The following ATXN10 variants were observed in gnomAD, a reference collection of about 807,000 sequenced individuals.
ATXN10 encodes ataxin 10.
A neutral mutation model predicts 52.9 loss-of-function variants in ATXN10; 28 were observed. That is an observed-to-expected ratio of 0.53 (90% CI 0.39 to 0.73). The LOEUF (loss-of-function observed/expected upper bound fraction) is 0.73. Among genes scored for constraint, ATXN10 ranks in the 30% least tolerant of loss-of-function variants. The pLI is 0.00. For synonymous variants in ATXN10, 226 were observed against 221.5 expected, an observed-to-expected ratio of 1.02 and a Z score of -0.18; for missense variants, 565 against 577.0, an observed-to-expected ratio of 0.98 and a Z score of 0.21.
rs1923007173 is a variant in ATXN10, at chr22:45,683,405, G to A, written c.117-6307G>A. Among the ~76,000 whole-genome samples, 1 of 152,058 alleles carries A rather than the reference G, an allele frequency of 6.6e-6. No individual in the cohort carries two copies. The highest frequency in any genetic ancestry group is 2.4e-5 in the African/African-American group (1 of 41,404). On this transcript the variant is annotated intron_variant, in intron 1 of 11. Transcript: ENST00000252934. This position sits in a 1 kb window ranked among gnomAD's most constrained non-coding sequence, Gnocchi z 4.8. ...TCCGTGGCCTACTGTGCCTGTCCAG[G>A]GTGGCTCTGTCTTGTCTCTCTGAGT...
chr22:45,819,570 C>T lies in ATXN10; in HGVS notation c.1237+12548C>T, dbSNP rs1352870409. ...TTGACTCAGAACCACTAGGGCACTT[C>T]TGTGATCACAGCAGTCCCATGCAGG... On this transcript the variant is annotated intron_variant, in intron 10 of 11. Transcript: ENST00000252934. The surrounding 1 kb of genome is among the most constrained non-coding windows in gnomAD (Gnocchi z 4.5). Among the ~76,000 whole-genome samples the T allele has an allele frequency of 6.6e-6, 1 of 152,206 alleles. No individual in the cohort carries two copies.
chr22:45,788,885 A>G (rs11090659), intron 9 of ATXN10, among the ~76,000 whole-genome samples: 24,180 of 151,898 alleles, frequency 0.16, 2,117 homozygotes, highest in Middle Eastern at 0.21. Context: ...GTGACCTCAA[A>G]TGATCCTCCC....
intron 9 of ATXN10, among the ~76,000 whole-genome samples, chr22:45,798,593 G>GCT (rs1927826955): frequency 6.6e-6 from 1 of 152,082 alleles, no homozygotes; most frequent in Non-Finnish European, 1.5e-5. Flanking sequence ...ATGAAACACT[G>GCT]CTCTCTCTCT....
chr22:45,784,233 A>G lies in ATXN10; in HGVS notation c.1174-22726A>G, dbSNP rs1927248659. Among the ~76,000 whole-genome samples, 1 of 152,214 alleles carries G rather than the reference A, an allele frequency of 6.6e-6. No homozygotes were observed. Among genetic ancestry groups the G allele is most frequent in the South Asian group, 2.1e-4 (1 of 4,834 alleles). ...GCAGATCTGGGCTTTGCCACTCATT[A>G]AGCTCCATGACTGTGAACAAATTAA... On this transcript the variant is annotated intron_variant, in intron 9 of 11. Transcript: ENST00000252934. The surrounding 1 kb of genome is among the most constrained non-coding windows in gnomAD (Gnocchi z 4.2).
In ATXN10 at chr22:45,843,213, G is replaced by A. The variant is rs762832889; in HGVS notation, c.1425+35G>A. The A allele has an allele frequency of 4.0e-5, 65 of 1,609,768 alleles. No individual in the cohort carries two copies. Among genetic ancestry groups the A allele is most frequent in the African/African-American group, 5.3e-5 (4 of 74,826 alleles). ...CTCGAGGGAACTGTCCTTCCCTTTG[G>A]TTTGTAGAAAGCTGTTTCCACTTCC... On this transcript the variant is annotated intron_variant, in intron 11 of 11. Coordinates refer to ENST00000252934, the MANE Select transcript of ATXN10 (RefSeq NM_013236.4). The surrounding 1 kb of genome is among the most constrained non-coding windows in gnomAD (Gnocchi z 4.5).
rs772730790 is a variant in ATXN10 at position 45,828,765 on chromosome 22, G to A, written c.1238-14226G>A. Among the ~76,000 whole-genome samples, 1 of 152,106 alleles carries A rather than the reference G, an allele frequency of 6.6e-6. No homozygotes were observed. Among genetic ancestry groups the A allele is most frequent in the Non-Finnish European group, 1.5e-5 (1 of 68,008 alleles). ...TAGTTATAGTAAGACAATTAAATCA[G>A]CAATGAAAAATCTCACAAAGAAAAG... On this transcript the variant is annotated intron_variant, in intron 10 of 11. Coordinates refer to ENST00000252934, the MANE Select transcript of ATXN10 (RefSeq NM_013236.4). This position sits in a 1 kb window ranked among gnomAD's most constrained non-coding sequence, Gnocchi z 4.5.
chr22:45,687,012 C>T (rs977280155), intron 1 of ATXN10, among the ~76,000 whole-genome samples: 5 of 152,080 alleles, frequency 3.3e-5, no homozygotes, highest in Non-Finnish European at 7.4e-5. Flanking sequence ...ATTATTTTTT[C>T]TTTATACTGC....
chr22:45,843,015 C>T lies in ATXN10; in HGVS notation c.1262C>T (p.Ala421Val). 1.9e-6 allele frequency: 3 copies of T among 1,614,150 alleles called. No individual in the cohort carries two copies. Among genetic ancestry groups the T allele is most frequent in the Non-Finnish European group, 2.5e-6 (3 of 1,180,024 alleles). Residue 421 changes from alanine to valine, a missense_variant, in exon 11 of 12, where the codon GCC (alanine) becomes GTC (valine). By Grantham distance (64) the Ala-to-Val change is moderately conservative (BLOSUM62 0). Transcript: ENST00000252934. This position sits in a 1 kb window ranked among gnomAD's most constrained non-coding sequence, Gnocchi z 4.5. Reference protein sequence around the residue: ...NPFLTQWVIYAIRNLTEDNSQ... With the variant: ...NPFLTQWVIYVIRNLTEDNSQ... Reference sequence around the variant, plus strand: ...GTTCTGACCCAGTGGGTGATATATGCCATCCGAAACCTTACCGAAGACAAC... The same window carrying T: ...GTTCTGACCCAGTGGGTGATATATGTCATCCGAAACCTTACCGAAGACAAC...
chr22:45,826,397 G>A lies in ATXN10; in HGVS notation c.1238-16594G>A, dbSNP rs1928816168. Reference sequence around the variant, plus strand: ...GAGAATATCTGAAGAAATAAGGACTGAAAATTTTCCACATTTGATGGAAGT... The same window carrying A: ...GAGAATATCTGAAGAAATAAGGACTAAAAATTTTCCACATTTGATGGAAGT... On this transcript the variant is annotated intron_variant, in intron 10 of 11. Coordinates refer to ENST00000252934, the MANE Select transcript of ATXN10 (RefSeq NM_013236.4). This position sits in a 1 kb window ranked among gnomAD's most constrained non-coding sequence, Gnocchi z 5.0. 6.6e-6 allele frequency among the ~76,000 whole-genome samples: 1 copy of A among 152,150 alleles called. No homozygotes were observed. Among genetic ancestry groups the A allele is most frequent in the African/African-American group, 2.4e-5 (1 of 41,426 alleles).
intron 3 of ATXN10, 86 bp from the exon 4 acceptor site, chr22:45,700,196 A>G: frequency 1.0e-6 from 1 of 1,002,260 alleles, no homozygotes; most frequent in Non-Finnish European, 1.5e-6. Flanking sequence ...TTTCTGTTTA[A>G]TAACATGGAG....
chr22:45,800,335 A>C (rs904290401), intron 9 of ATXN10, among the ~76,000 whole-genome samples: 18 of 152,226 alleles, frequency 1.2e-4, no homozygotes, highest in African/African-American at 3.9e-4. Context: ...ATAACATTTC[A>C]CTAACGAAAC....
intron 9 of ATXN10, among the ~76,000 whole-genome samples, chr22:45,751,755 T>TAAA (rs1189214830): frequency 9.7e-6 from 1 of 103,224 alleles, no homozygotes; most frequent in Non-Finnish European, 2.0e-5. Context: ...AAAAAAAAAA[T>TAAA]AAAAAAAAAA....
chr22:45,672,383 G>C, intron 1 of ATXN10: 2 of 398,770 alleles, frequency 5.0e-6, no homozygotes, highest in Non-Finnish European at 7.4e-6. Flanking sequence ...GCCTGGGGCG[G>C]GCGCCCCGCT....
intron 7 of ATXN10, 190 bp downstream of exon 7, chr22:45,729,780 C>A: frequency 1.4e-6 from 1 of 700,978 alleles, no homozygotes; most frequent in Non-Finnish European, 2.5e-6. Flanking sequence ...CATCCAGAGT[C>A]AATGACTTAG....
rs1189214830 is a variant in ATXN10, at chr22:45,751,755, T to TA, written c.1173+11227dup. ...CCTTTTTCTGGAAAAAAAAAAAAAA[T>TA]AAAAAAAAAATAATAATAATAATAA... On this transcript the variant is annotated intron_variant, in intron 9 of 11. Coordinates refer to ENST00000252934, the MANE Select transcript of ATXN10 (RefSeq NM_013236.4). 4.0e-4 allele frequency among the ~76,000 whole-genome samples: 41 copies of TA among 103,224 alleles called. 1 individual carries two copies. The South Asian group carries it at 0.012, about 31-fold the overall frequency. 67.7% of individuals were successfully genotyped at this position (103,224 alleles called of 152,430 possible). A position where few individuals can be genotyped will look rare whatever the true frequency, so the allele number is the denominator to read the frequency against.
At position 45,766,463 on chromosome 22, in the gene ATXN10, C is replaced by G. The variant is rs1415915178; in HGVS notation, c.1173+25925C>G. Reference sequence around the variant, plus strand: ...GTGGAAAAATTGCCTTCCATGAAATCAGTCCCTGGTGCCAAAAAGGTTGGG... The same window carrying G: ...GTGGAAAAATTGCCTTCCATGAAATGAGTCCCTGGTGCCAAAAAGGTTGGG... On this transcript the variant is annotated intron_variant, in intron 9 of 11. Transcript: ENST00000252934. This position sits in a 1 kb window ranked among gnomAD's most constrained non-coding sequence, Gnocchi z 4.6. Among the ~76,000 whole-genome samples, 1 of 152,198 alleles carries G rather than the reference C, an allele frequency of 6.6e-6. No homozygotes were observed. Among genetic ancestry groups the G allele is most frequent in the Non-Finnish European group, 1.5e-5 (1 of 68,038 alleles).
chr22:45,767,929 T>C (rs907069853), intron 9 of ATXN10, among the ~76,000 whole-genome samples: 2 of 152,238 alleles, frequency 1.3e-5, no homozygotes, highest in Non-Finnish European at 2.9e-5. Context: ...CTGTTTTATA[T>C]GTGTGTGCTA....
chr22:45,837,114 C>CATATAATATA lies in ATXN10; in HGVS notation c.1238-5876_1238-5867dup. On this transcript the variant is annotated intron_variant, in intron 10 of 11. Coordinates refer to ENST00000252934, the MANE Select transcript of ATXN10 (RefSeq NM_013236.4). This position sits in a 1 kb window ranked among gnomAD's most constrained non-coding sequence, Gnocchi z 5.8. Reference sequence around the variant, plus strand: ...GGATGCGAAAACAATGCAGATATTACATATAATATATGTATCTGTTATACA... The same window carrying CATATAATATA: ...GGATGCGAAAACAATGCAGATATTACATATAATATAATATAATATATGTATCTGTTATACA... Among the ~76,000 whole-genome samples, 1 of 152,238 alleles carries CATATAATATA rather than the reference C, an allele frequency of 6.6e-6. No homozygotes were observed. Among genetic ancestry groups the CATATAATATA allele is most frequent in the South Asian group, 2.1e-4 (1 of 4,808 alleles).
Position 45,759,382 on chromosome 22 carries a change from C to CA in ATXN10, c.1173+18845dup, listed in dbSNP as rs1926296029. ...CAAAAAGTAGCCGGGCGTGGTGGCGCATGCCTGTAATCCCAGCTACTCGGG... is the reference window on the plus strand; with the variant it reads ...CAAAAAGTAGCCGGGCGTGGTGGCGCAATGCCTGTAATCCCAGCTACTCGGG... On this transcript the variant is annotated intron_variant, in intron 9 of 11. Transcript: ENST00000252934. This position sits in a 1 kb window ranked among gnomAD's most constrained non-coding sequence, Gnocchi z 5.4. Among the ~76,000 whole-genome samples the CA allele has an allele frequency of 2.6e-5, 4 of 152,106 alleles. No homozygotes were observed. The highest frequency in any genetic ancestry group is 2.6e-4 in the Admixed American group (4 of 15,276).
Sources: allele counts gnomAD v4.1 joint callset (sites outside exome capture counted in the v4.1 genomes callset), GRCh38; gene constraint gnomAD v4.1.1; non-coding constraint Gnocchi (gnomAD v3.1); transcripts MANE v1.5; gene names NCBI Gene and HGNC (gene_info 2026-07-23, HGNC 2026-07-21).